TGFBR3: variants seen among roughly 807,000 people sequenced by gnomAD.
TGFBR3 encodes the protein transforming growth factor beta receptor 3, also known as transforming growth factor beta receptor type 3.
TGFBR3 carries 46 observed loss-of-function variants against 87.9 expected under a neutral mutation model. The ratio of observed to expected loss-of-function variants is 0.52; its 90% CI spans 0.41 to 0.67. TGFBR3 has a LOEUF of 0.67. Among genes scored for constraint, TGFBR3 ranks in the 30% least tolerant of loss-of-function variants. TGFBR3 has a pLI of 0.00. For missense variants in TGFBR3, 866 were observed against 1,041.9 expected, an observed-to-expected ratio of 0.83 and a Z score of 2.32; for synonymous variants, 381 against 391.6, an observed-to-expected ratio of 0.97 and a Z score of 0.32.
At chr1:91,893,972 G>T (rs1166853356) in intron 2 of TGFBR3, among the ~76,000 whole-genome samples, 10 of 149,722 alleles carry the variant, frequency 6.7e-5, no homozygotes, top group Admixed American at 4.7e-4. Context: ...GCTCACACCT[G>T]TAATCCCAGC....
intron 4 of TGFBR3, among the ~76,000 whole-genome samples, chr1:91,757,534 T>A (rs1673790216): frequency 6.6e-6 from 1 of 152,248 alleles, no homozygotes; most frequent in Non-Finnish European, 1.5e-5. Context: ...TTGATAATTC[T>A]TGCCTGGTCA....
intron 16 of TGFBR3, among the ~76,000 whole-genome samples, chr1:91,687,801 TCTC>T (rs1392642779): frequency 6.6e-6 from 1 of 152,064 alleles, no homozygotes; most frequent in Non-Finnish European, 1.5e-5. Context: ...ATTTATGGAA[TCTC>T]CTTCTCAGGA....
chr1:91,680,674 T>A lies in TGFBR3; in HGVS notation c.*3065A>T, dbSNP rs1052241666. The A allele has an allele frequency of 4.6e-5, 21 of 453,782 alleles. No homozygotes were observed. In the Admixed American group the frequency reaches 4.9e-4, roughly 11 times the overall value. 28.1% of individuals were successfully genotyped at this position (453,782 alleles called of 1,614,324 possible). A position where few individuals can be genotyped will look rare whatever the true frequency, so the allele number is the denominator to read the frequency against. ...TAAAACAAACATGAAAAAAATCACA[T>A]AGGACTCACCCAACAAAATGTGCTC... On this transcript the variant is annotated 3_prime_UTR_variant, in exon 17 of 17. Transcript: ENST00000212355.
intron 13 of TGFBR3, among the ~76,000 whole-genome samples, chr1:91,709,626 A>G (rs2100753438): frequency 6.6e-6 from 1 of 152,322 alleles, no homozygotes. Context: ...TGTGGAGGCC[A>G]TGAGATTAGC....
rs559232971 is a variant in TGFBR3, at chr1:91,828,610, C to T, written c.62-31139G>A. Among the ~76,000 whole-genome samples the T allele has an allele frequency of 2.6e-5, 4 of 152,304 alleles. No homozygotes were observed. In the East Asian group the frequency reaches 5.8e-4, roughly 22 times the overall value. The stretch of plus-strand genomic sequence containing the variant: ...AAACTGTAGTTGCCTTAAGCAGAAA[C>T]GGAGGTGCAAGTGAACTTAGCTGTG... On this transcript the variant is annotated intron_variant, in intron 2 of 16. Transcript: ENST00000212355.
chr1:91,778,652 CTTAT>C (rs912029037), intron 3 of TGFBR3, among the ~76,000 whole-genome samples: 25 of 152,330 alleles, frequency 1.6e-4, no homozygotes, highest in African/African-American at 5.5e-4. Flanking sequence ...CATCAACATA[CTTAT>C]TTATTCATGC....
In TGFBR3 at chr1:91,682,404, C is replaced by CT. The variant is rs59188054; in HGVS notation, c.*1334dup. 62,334 of 333,238 alleles carry CT rather than the reference C, an allele frequency of 0.19. 4,529 individuals carry two copies. Among genetic ancestry groups the CT allele is most frequent in the African/African-American group, 0.27 (10,197 of 37,486 alleles). The allele number at this position is 333,238 out of a possible 1,614,324, so 20.6% of individuals were successfully genotyped here. A position where few individuals can be genotyped will look rare whatever the true frequency, so the allele number is the denominator to read the frequency against. On this transcript the variant is annotated 3_prime_UTR_variant, in exon 17 of 17. Transcript: ENST00000212355. Reference sequence around the variant, plus strand: ...AGCATGATAATTCCCCCCTGGCATTCTTTTTTTTTTTTTTTTTTTTTAACA... The same window carrying CT: ...AGCATGATAATTCCCCCCTGGCATTCTTTTTTTTTTTTTTTTTTTTTTAACA...
At chr1:91,878,294 A>AAC (rs888445396) in intron 1 of TGFBR3, among the ~76,000 whole-genome samples, 1 of 151,854 alleles carries the variant, frequency 6.6e-6, no homozygotes, top group African/African-American at 2.4e-5. Flanking sequence ...AAAAAAAAAA[A>AAC]ACACACATTC....
intron 4 of TGFBR3, among the ~76,000 whole-genome samples, chr1:91,737,419 CA>C (rs1673004079): frequency 6.6e-6 from 1 of 152,170 alleles, no homozygotes. Flanking sequence ...GTGACCTCTA[CA>C]GCAGAAAAGC....
intron 16 of TGFBR3, among the ~76,000 whole-genome samples, chr1:91,692,934 G>A (rs1366881027): frequency 1.3e-5 from 2 of 152,208 alleles, no homozygotes; most frequent in Non-Finnish European, 2.9e-5. Context: ...AGAGGCAGAT[G>A]CTATCTGAAC....
chr1:91,877,790 T>C (rs1417365672), intron 1 of TGFBR3, among the ~76,000 whole-genome samples: 3 of 152,204 alleles, frequency 2.0e-5, no homozygotes. Context: ...CAAGTGTCTT[T>C]ACAAAATGGG....
intron 13 of TGFBR3, among the ~76,000 whole-genome samples, chr1:91,711,725 T>A (rs938638377): frequency 5.8e-4 from 89 of 152,186 alleles, no homozygotes; most frequent in Middle Eastern, 3.2e-3. Context: ...AATAGAACAT[T>A]CAATCTGGAG....
At chr1:91,889,113 G>A (rs573356191), upstream of TGFBR3, among the ~76,000 whole-genome samples, 3 of 152,228 alleles carry the variant, frequency 2.0e-5, no homozygotes, top group East Asian at 5.8e-4. Context: ...TCGAACTCCT[G>A]ACCTCAAGTG....
chr1:91,814,057 G>A (rs193133189), intron 2 of TGFBR3, among the ~76,000 whole-genome samples: 7 of 152,302 alleles, frequency 4.6e-5, no homozygotes, highest in Non-Finnish European at 7.3e-5. Flanking sequence ...ACAGGTCCGT[G>A]GCCTGGGGGT....
chr1:91,800,447 C>T (rs1485896893), intron 2 of TGFBR3, among the ~76,000 whole-genome samples: 1 of 150,686 alleles, frequency 6.6e-6, no homozygotes, highest in African/African-American at 2.4e-5. Context: ...GAAGTCCAGG[C>T]TGCAGTAAGC....
intron 2 of TGFBR3, among the ~76,000 whole-genome samples, chr1:91,845,066 C>A (rs887663418): frequency 2.0e-5 from 3 of 152,198 alleles, no homozygotes; most frequent in Admixed American, 2.0e-4. Context: ...TCAACCAGTG[C>A]ATACTCTCCT....
At chr1:91,846,190 G>A (rs1412846837) in intron 2 of TGFBR3, among the ~76,000 whole-genome samples, 1 of 152,178 alleles carries the variant, frequency 6.6e-6, no homozygotes, top group African/African-American at 2.4e-5. Flanking sequence ...AGCCGGGTAA[G>A]GTCCAAGCTA....
intron 1 of TGFBR3, among the ~76,000 whole-genome samples, chr1:91,863,473 T>C (rs867164466): frequency 3.3e-5 from 5 of 152,206 alleles, no homozygotes; most frequent in African/African-American, 9.6e-5. Flanking sequence ...TTAATATACA[T>C]ACACAATGCT....
At chr1:91,739,267 G>T (rs143143561) in intron 4 of TGFBR3, among the ~76,000 whole-genome samples, 1 of 152,128 alleles carries the variant, frequency 6.6e-6, no homozygotes, top group Non-Finnish European at 1.5e-5. Flanking sequence ...AATAATTCAG[G>T]TGAGAAACAG....
Sources: allele counts gnomAD v4.1 joint callset (sites outside exome capture counted in the v4.1 genomes callset), GRCh38; gene constraint gnomAD v4.1.1; transcripts MANE v1.5; gene names NCBI Gene and HGNC (gene_info 2026-07-23, HGNC 2026-07-21).